The following KLHL1 variants were observed in gnomAD, a reference collection of about 807,000 sequenced individuals.
KLHL1 encodes kelch-like protein 1.
Under a neutral mutation model 77.7 loss-of-function variants are expected in KLHL1, and 47 were observed. That is an observed-to-expected ratio of 0.60 (90% CI 0.48 to 0.77). The LOEUF is 0.77. Ranked by LOEUF, KLHL1 falls within the 30% of genes least tolerant of loss-of-function variation. The probability of loss-of-function intolerance (pLI) is 0.00; values close to 1 mark genes in which losing one functional copy is unlikely to be tolerated. For missense variants in KLHL1, 925 were observed against 910.8 expected, an observed-to-expected ratio of 1.02 and a Z score of -0.20; for synonymous variants, 360 against 325.2, an observed-to-expected ratio of 1.11 and a Z score of -1.15.
intron 1 of KLHL1, among the ~76,000 whole-genome samples, chr13:70,075,089 G>A (rs981413522): frequency 2.6e-5 from 4 of 152,006 alleles, no homozygotes; most frequent in African/African-American, 9.7e-5. Context: ...ATGTTAACAT[G>A]TTTATGTACA....
intron 1 of KLHL1, among the ~76,000 whole-genome samples, chr13:70,057,155 C>T (rs1344164775): frequency 6.6e-6 from 1 of 152,000 alleles, no homozygotes; most frequent in African/African-American, 2.4e-5. Context: ...CTGAGAGCAA[C>T]TATATGCCAA....
chr13:69,806,735 A>T (rs1158641944), intron 6 of KLHL1, among the ~76,000 whole-genome samples: 1 of 152,220 alleles, frequency 6.6e-6, no homozygotes, highest in Admixed American at 6.5e-5. Context: ...GTTGCTCCAG[A>T]AAGGCAACCC....
intron 3 of KLHL1, among the ~76,000 whole-genome samples, chr13:69,944,028 A>G (rs1348464395): frequency 6.6e-6 from 1 of 152,184 alleles, no homozygotes; most frequent in East Asian, 1.9e-4. Flanking sequence ...GCAGACCTGA[A>G]CTACTACCAT....
At chr13:69,771,492 A>C (rs1875562671) in intron 7 of KLHL1, among the ~76,000 whole-genome samples, 1 of 152,180 alleles carries the variant, frequency 6.6e-6, no homozygotes, top group African/African-American at 2.4e-5. Flanking sequence ...CAAGGTTAGA[A>C]ATTTCATCCA....
chr13:70,073,889 G>C (rs1340090688), intron 1 of KLHL1, among the ~76,000 whole-genome samples: 1 of 151,476 alleles, frequency 6.6e-6, no homozygotes, highest in Non-Finnish European at 1.5e-5. Flanking sequence ...GCAGTGGTGT[G>C]ATCTTGGCTC....
At chr13:69,927,518 C>T (rs866452959) in intron 4 of KLHL1, among the ~76,000 whole-genome samples, 8 of 152,030 alleles carry the variant, frequency 5.3e-5, no homozygotes, top group African/African-American at 7.2e-5. Context: ...ATAGTTGATA[C>T]GAGATTTATA....
intron 6 of KLHL1, among the ~76,000 whole-genome samples, chr13:69,815,750 T>C (rs530838662): frequency 6.6e-6 from 1 of 152,074 alleles, no homozygotes; most frequent in Admixed American, 6.6e-5. Flanking sequence ...TATTAAAAAG[T>C]AGGTGATTAA....
chr13:69,952,834 A>C (rs1883753457), intron 3 of KLHL1, among the ~76,000 whole-genome samples: 1 of 151,406 alleles, frequency 6.6e-6, no homozygotes, highest in Non-Finnish European at 1.5e-5. Flanking sequence ...AGAAGTCTTA[A>C]GAAGGGTGAA....
rs1882379263 is a variant in KLHL1, at chr13:69,915,110, AG to A, written c.1014+24929del. Among the ~76,000 whole-genome samples the A allele has an allele frequency of 2.0e-5, 3 of 152,226 alleles. No individual in the cohort carries two copies. The South Asian group carries it at 6.2e-4, about 32-fold the overall frequency. ...ATAAAAGAGGATACAAACAAATGGA[AG>A]AACATTCCATGCTCATGGGTAGGAA... is the stretch of plus-strand genomic sequence containing the variant. On this transcript the variant is annotated intron_variant, in intron 4 of 10. Coordinates refer to ENST00000377844, the MANE Select transcript of KLHL1 (RefSeq NM_020866.3).
intron 4 of KLHL1, among the ~76,000 whole-genome samples, chr13:69,916,521 A>C (rs914350217): frequency 6.6e-6 from 1 of 152,004 alleles, no homozygotes; most frequent in Admixed American, 6.6e-5. Flanking sequence ...GTTCTCACTC[A>C]TAGGTGGGAA....
intron 1 of KLHL1, among the ~76,000 whole-genome samples, chr13:70,008,950 G>C (rs1309998427): frequency 6.6e-6 from 1 of 151,828 alleles, no homozygotes; most frequent in Non-Finnish European, 1.5e-5. Context: ...TCTCCTTCTG[G>C]ATTTTATATT....
At chr13:70,099,999 A>T (rs1887886603) in intron 1 of KLHL1, among the ~76,000 whole-genome samples, 1 of 151,992 alleles carries the variant, frequency 6.6e-6, no homozygotes. Flanking sequence ...TAATTTTTCA[A>T]AAAATTATTT....
At chr13:70,059,337 T>C (rs1886821586) in intron 1 of KLHL1, among the ~76,000 whole-genome samples, 1 of 152,028 alleles carries the variant, frequency 6.6e-6, no homozygotes, top group African/African-American at 2.4e-5. Context: ...GTTTTTGGTT[T>C]TTTCAATTTT....
At chr13:70,048,656 G>A (rs1234306771) in intron 1 of KLHL1, among the ~76,000 whole-genome samples, 1 of 152,242 alleles carries the variant, frequency 6.6e-6, no homozygotes, top group Middle Eastern at 3.2e-3. Context: ...CACATGCGCA[G>A]TTCACAATAG....
At chr13:69,728,433 T>C (rs1227678350) in intron 8 of KLHL1, among the ~76,000 whole-genome samples, 1 of 144,278 alleles carries the variant, frequency 6.9e-6, no homozygotes, top group Non-Finnish European at 1.5e-5. Flanking sequence ...GTTTGTTTGT[T>C]TGAGACAGAG....
At chr13:70,097,890 T>G (rs888856833) in intron 1 of KLHL1, among the ~76,000 whole-genome samples, 2 of 96,994 alleles carry the variant, frequency 2.1e-5, no homozygotes, top group African/African-American at 6.3e-5. Flanking sequence ...CCTTTCTGTT[T>G]TTTTTTTTTC....
chr13:69,818,992 G>A (rs1276706609), intron 6 of KLHL1, among the ~76,000 whole-genome samples: 1 of 152,156 alleles, frequency 6.6e-6, no homozygotes. Context: ...ACAGAGAATT[G>A]TAAGTGTATC....
At chr13:70,062,144 A>G (rs191647781) in intron 1 of KLHL1, among the ~76,000 whole-genome samples, 57 of 152,272 alleles carry the variant, frequency 3.7e-4, no homozygotes, top group Middle Eastern at 3.4e-3. Flanking sequence ...TCCAGCTACT[A>G]CAATACAATG....
chr13:70,078,830 C>G (rs923090657), intron 1 of KLHL1, among the ~76,000 whole-genome samples: 1 of 152,044 alleles, frequency 6.6e-6, no homozygotes, highest in African/African-American at 2.4e-5. Flanking sequence ...TACAAAGTGA[C>G]TTAATATACT....
Sources: allele counts gnomAD v4.1 joint callset (sites outside exome capture counted in the v4.1 genomes callset), GRCh38; gene constraint gnomAD v4.1.1; transcripts MANE v1.5; gene names NCBI Gene and HGNC (gene_info 2026-07-23, HGNC 2026-07-21).